Variants in SAMMSON observed in about 807,000 individuals in gnomAD.
SAMMSON encodes the protein long intergenic non-protein coding RNA 1212.
intron 3 of SAMMSON, among the ~76,000 whole-genome samples, chr3:70,029,121 T>C (rs1021743317): frequency 6.6e-6 from 1 of 152,214 alleles, no homozygotes; most frequent in African/African-American, 2.4e-5. Context: ...CAGCATGTGA[T>C]AGGAAGTATC....
intron 7 of SAMMSON, among the ~76,000 whole-genome samples, chr3:70,299,732 A>G (rs1702328588): frequency 6.6e-6 from 1 of 152,080 alleles, no homozygotes; most frequent in Admixed American, 6.6e-5. Context: ...CCATCTTCGT[A>G]ATATCCTCAA....
intron 2 of SAMMSON, among the ~76,000 whole-genome samples, chr3:70,429,567 A>G (rs533444500): frequency 6.6e-6 from 1 of 152,228 alleles, no homozygotes; most frequent in African/African-American, 2.4e-5. Flanking sequence ...CAATATGGCC[A>G]TTTTCATGAT....
At chr3:70,305,301 A>G (rs1337668360) in intron 7 of SAMMSON, among the ~76,000 whole-genome samples, 1 of 151,766 alleles carries the variant, frequency 6.6e-6, no homozygotes, top group Non-Finnish European at 1.5e-5. Flanking sequence ...TATTTTTGTT[A>G]TTAGGTAACG....
chr3:70,374,487 G>C (rs1298039368), intron 9 of SAMMSON, among the ~76,000 whole-genome samples: 1 of 152,110 alleles, frequency 6.6e-6, no homozygotes, highest in Admixed American at 6.6e-5. Flanking sequence ...CAAGTTTCTT[G>C]CTTTGTATTC....
intron 6 of SAMMSON, among the ~76,000 whole-genome samples, chr3:70,267,528 G>A (rs1241561456): frequency 6.8e-6 from 1 of 147,496 alleles, no homozygotes; most frequent in Non-Finnish European, 1.5e-5. Flanking sequence ...TCAGCTTCCC[G>A]AGTAGCTGGG....
intron 4 of SAMMSON, among the ~76,000 whole-genome samples, chr3:70,112,345 A>G (rs2067392998): frequency 6.6e-6 from 1 of 152,166 alleles, no homozygotes; most frequent in Non-Finnish European, 1.5e-5. Flanking sequence ...ACTATGCAGC[A>G]GTAAGGGGTG....
At chr3:70,138,663 A>G (rs938603115) in intron 4 of SAMMSON, among the ~76,000 whole-genome samples, 2 of 152,212 alleles carry the variant, frequency 1.3e-5, no homozygotes, top group African/African-American at 4.8e-5. Flanking sequence ...GTTCATATCA[A>G]TAGCCCCCAA....
At chr3:70,168,502 G>A (rs2067646947) in intron 4 of SAMMSON, among the ~76,000 whole-genome samples, 2 of 151,932 alleles carry the variant, frequency 1.3e-5, no homozygotes, top group Admixed American at 6.6e-5. Context: ...GCTAAGAATG[G>A]ATGCAAAGCC....
chr3:70,211,420 TTTGCCC>T (rs1219530019), intron 4 of SAMMSON, among the ~76,000 whole-genome samples: 74 of 34,824 alleles, frequency 2.1e-3, no homozygotes, highest in Non-Finnish European at 4.8e-3. Context: ...TTCCCTTCCC[TTTGCCC>T]TTCCCTTCCC....
chr3:70,006,837 CT>C (rs1396570492), intron 1 of SAMMSON, among the ~76,000 whole-genome samples: 1 of 142,276 alleles, frequency 7.0e-6, no homozygotes, highest in African/African-American at 2.6e-5. Context: ...GTGATGTTCC[CT>C]TTCCTGTGTC....
chr3:70,411,389 C>T (rs1450619660), intron 2 of SAMMSON, among the ~76,000 whole-genome samples: 1 of 152,178 alleles, frequency 6.6e-6, no homozygotes, highest in Non-Finnish European at 1.5e-5. Context: ...CAGTACAGAA[C>T]TTTCATCCAC....
intron 6 of SAMMSON, among the ~76,000 whole-genome samples, chr3:70,281,701 C>A (rs1041304673): frequency 6.6e-6 from 1 of 152,098 alleles, no homozygotes; most frequent in Non-Finnish European, 1.5e-5. Context: ...TTGCTTTTTG[C>A]CCCACCTCAA....
chr3:70,141,721 G>T (rs1430876084), intron 4 of SAMMSON, among the ~76,000 whole-genome samples: 2 of 152,084 alleles, frequency 1.3e-5, no homozygotes, highest in Non-Finnish European at 2.9e-5. Context: ...ACCTTGTGTA[G>T]GATTGTTTTC....
chr3:70,397,235 A>T (rs923693192), intron 2 of SAMMSON, among the ~76,000 whole-genome samples: 1 of 152,146 alleles, frequency 6.6e-6, no homozygotes, highest in Non-Finnish European at 1.5e-5. Flanking sequence ...GAATATTACT[A>T]TATATTAAGT....
chr3:70,233,055 G>A (rs1701575926), intron 4 of SAMMSON, among the ~76,000 whole-genome samples: 1 of 152,166 alleles, frequency 6.6e-6, no homozygotes, highest in African/African-American at 2.4e-5. Flanking sequence ...CGGACATGGT[G>A]GCATGCGCCT....
At chr3:70,242,196 T>G (rs568173168) in intron 4 of SAMMSON, among the ~76,000 whole-genome samples, 5 of 152,202 alleles carry the variant, frequency 3.3e-5, no homozygotes, top group Non-Finnish European at 5.9e-5. Flanking sequence ...TTCTGGAGTA[T>G]CTTTCCAACC....
intron 4 of SAMMSON, among the ~76,000 whole-genome samples, chr3:70,198,530 T>C (rs1349980493): frequency 1.3e-5 from 2 of 152,198 alleles, no homozygotes; most frequent in East Asian, 1.9e-4. Flanking sequence ...AAAAACACTA[T>C]ATAAAGTTAT....
At chr3:70,333,688 T>A (rs774391293) in intron 7 of SAMMSON, among the ~76,000 whole-genome samples, 1 of 152,208 alleles carries the variant, frequency 6.6e-6, no homozygotes, top group Non-Finnish European at 1.5e-5. Context: ...TTCTTCTCTA[T>A]TTCTCCAAAT....
chr3:70,243,514 G>T (rs1701679865), intron 4 of SAMMSON, among the ~76,000 whole-genome samples: 1 of 152,094 alleles, frequency 6.6e-6, no homozygotes, highest in Admixed American at 6.6e-5. Context: ...TTGGCTTTAA[G>T]TGTATTTCAG....
Sources: gnomAD v4.1 joint callset for allele counts (sites outside exome capture counted in the v4.1 genomes callset) on GRCh38, gnomAD v4.1.1 for gene constraint, MANE v1.5 for transcripts, NCBI Gene and HGNC (gene_info 2026-07-23, HGNC 2026-07-21) for gene names.